FOXP2: variants seen among roughly 807,000 people sequenced by gnomAD.
FOXP2 encodes forkhead box P2, also known as forkhead box protein P2.
A neutral mutation model predicts 115.8 loss-of-function variants in FOXP2; 12 were observed. The ratio of observed to expected loss-of-function variants is 0.10; its 90% CI spans 0.07 to 0.17. FOXP2 has a LOEUF of 0.17. FOXP2 is among the 10% of genes least tolerant of loss of function. FOXP2 has a pLI of 1.00. For synonymous variants in FOXP2, 328 were observed against 297.7 expected, an observed-to-expected ratio of 1.10 and a Z score of -1.05; for missense variants, 629 against 843.5, an observed-to-expected ratio of 0.75 and a Z score of 3.15.
At chr7:114,255,602 A>G (rs1795589456) in intron 1 of FOXP2, among the ~76,000 whole-genome samples, 1 of 152,220 alleles carries the variant, frequency 6.6e-6, no homozygotes, top group Non-Finnish European at 1.5e-5. Context: ...CAGGCGGGCA[A>G]TATAATCTCC....
chr7:114,238,143 GTAGT>G (rs1198781560), intron 1 of FOXP2, among the ~76,000 whole-genome samples: 1 of 152,156 alleles, frequency 6.6e-6, no homozygotes, highest in East Asian at 1.9e-4. Context: ...GAGAGAAGTG[GTAGT>G]TAAACTATGA....
chr7:114,162,631 C>A (rs1454113240), upstream of FOXP2, among the ~76,000 whole-genome samples: 1 of 151,692 alleles, frequency 6.6e-6, no homozygotes, highest in Non-Finnish European at 1.5e-5. Context: ...CACGGATTTG[C>A]AAAATTATGT....
At chr7:114,518,836 G>A (rs1006516638) in intron 2 of FOXP2, among the ~76,000 whole-genome samples, 1 of 152,094 alleles carries the variant, frequency 6.6e-6, no homozygotes, top group Non-Finnish European at 1.5e-5. Flanking sequence ...AATTTTGCTT[G>A]AGTTAATCAC....
intron 1 of FOXP2, among the ~76,000 whole-genome samples, chr7:114,185,085 T>G (rs573737894): frequency 1.3e-5 from 2 of 152,284 alleles, no homozygotes; most frequent in African/African-American, 4.8e-5. Context: ...TCCTATAATT[T>G]CCCCTAAAAC....
chr7:114,115,654 G>T (rs377766765), intron 1 of FOXP2, among the ~76,000 whole-genome samples: 1 of 151,862 alleles, frequency 6.6e-6, no homozygotes, highest in Non-Finnish European at 1.5e-5. Context: ...CAGCTTCCTC[G>T]TGGAACTCTT....
chr7:114,553,890 G>T (rs1042233052), intron 3 of FOXP2, among the ~76,000 whole-genome samples: 6 of 151,998 alleles, frequency 3.9e-5, no homozygotes, highest in African/African-American at 1.4e-4. Flanking sequence ...ATAGAATTTT[G>T]CTCTGTTCTT....
chr7:114,592,205 A>G (rs547071112), intron 3 of FOXP2, among the ~76,000 whole-genome samples: 259 of 152,180 alleles, frequency 1.7e-3, no homozygotes, highest in Non-Finnish European at 2.9e-3. Flanking sequence ...TTGTGGCACT[A>G]TTGGTGGATA....
intron 3 of FOXP2, among the ~76,000 whole-genome samples, chr7:114,589,078 A>C (rs1802304355): frequency 6.6e-6 from 1 of 152,290 alleles, no homozygotes; most frequent in African/African-American, 2.4e-5. Context: ...TTAAGAAAAA[A>C]TAATCGTCAT....
chr7:114,479,722 CAT>C (rs968691054), intron 2 of FOXP2, among the ~76,000 whole-genome samples: 17 of 151,618 alleles, frequency 1.1e-4, no homozygotes, highest in Middle Eastern at 3.4e-3. Flanking sequence ...AATCTGTACA[CAT>C]GTTATTATTC....
At chr7:114,473,736 T>C (rs1796143602) in intron 2 of FOXP2, among the ~76,000 whole-genome samples, 1 of 152,150 alleles carries the variant, frequency 6.6e-6, no homozygotes, top group African/African-American at 2.4e-5. Context: ...TGCCAAGTTT[T>C]CTCCCCACAG....
chr7:114,289,876 T>C (rs938456727), intron 2 of FOXP2, among the ~76,000 whole-genome samples: 2 of 151,974 alleles, frequency 1.3e-5, no homozygotes, highest in Admixed American at 1.3e-4. Context: ...TTATTTTTTC[T>C]TGTAAATGTA....
chr7:114,347,693 G>A (rs1446206523), intron 2 of FOXP2, among the ~76,000 whole-genome samples: 1 of 152,010 alleles, frequency 6.6e-6, no homozygotes, highest in African/African-American at 2.4e-5. Flanking sequence ...CCATAGTGTT[G>A]ACTTCAACAA....
At chr7:114,313,754 A>C (rs1240545476) in intron 2 of FOXP2, among the ~76,000 whole-genome samples, 1 of 151,130 alleles carries the variant, frequency 6.6e-6, no homozygotes, top group African/African-American at 2.4e-5. Flanking sequence ...CAAAAAAAAA[A>C]AAAAAAAACA....
At chr7:114,349,147 G>T (rs117717824) in intron 2 of FOXP2, among the ~76,000 whole-genome samples, 1,982 of 151,564 alleles carry the variant, frequency 0.013, 81 homozygotes, top group Admixed American at 0.078. Context: ...TCTGTATTCC[G>T]CAAATCACCT....
At chr7:114,217,140 AC>A (rs1269476107) in intron 1 of FOXP2, among the ~76,000 whole-genome samples, 1 of 152,206 alleles carries the variant, frequency 6.6e-6, no homozygotes, top group Non-Finnish European at 1.5e-5. Flanking sequence ...CTTGGAATTA[AC>A]AAAAAAGGAA....
At chr7:114,185,272 T>C (rs916831763) in intron 1 of FOXP2, among the ~76,000 whole-genome samples, 15 of 152,174 alleles carry the variant, frequency 9.9e-5, no homozygotes, top group Admixed American at 7.2e-4. Flanking sequence ...ACTTTGGGTT[T>C]CAATTATTGC....
intron 1 of FOXP2, among the ~76,000 whole-genome samples, chr7:114,230,825 C>T (rs2129165776): frequency 6.6e-6 from 1 of 151,962 alleles, no homozygotes; most frequent in African/African-American, 2.4e-5. Context: ...CAAGAACATT[C>T]TTACCACTTT....
chr7:114,540,111 T>C (rs1388019884), intron 3 of FOXP2, among the ~76,000 whole-genome samples: 1 of 152,052 alleles, frequency 6.6e-6, no homozygotes, highest in Non-Finnish European at 1.5e-5. Context: ...ATATATATTC[T>C]ATATCATAGC....
intron 2 of FOXP2, among the ~76,000 whole-genome samples, chr7:114,299,088 A>G (rs1283436155): frequency 3.9e-5 from 6 of 152,124 alleles, no homozygotes; most frequent in Non-Finnish European, 1.5e-5. Context: ...AGGTTTAATT[A>G]TCTTACATAA....
Sources: gnomAD v4.1 joint callset for allele counts (sites outside exome capture counted in the v4.1 genomes callset) on GRCh38, gnomAD v4.1.1 for gene constraint, MANE v1.5 for transcripts, NCBI Gene and HGNC (gene_info 2026-07-23, HGNC 2026-07-21) for gene names.